Variants in OR14A16 observed in about 807,000 individuals in gnomAD.
OR14A16 encodes the protein olfactory receptor family 14 subfamily A member 16.
For synonymous variants in OR14A16, 135 were observed against 137.6 expected (o/e 0.98, Z 0.13); for missense variants, 341 against 366.5 (o/e 0.93, Z 0.57).
chr1:247,814,929 C>T lies in OR14A16; in HGVS notation c.801G>A (p.Leu267=), dbSNP rs1572537803. The T allele has an allele frequency of 2.5e-6, 4 of 1,613,642 alleles. No homozygotes were observed. The Middle Eastern group carries it at 5.0e-4, about 200-fold the overall frequency. The change falls in exon 3 of 3, where the codon TTG becomes TTA. Residue 267 remains leucine, a synonymous_variant. Coordinates refer to ENST00000641093, the MANE Select transcript of OR14A16 (RefSeq NM_001001966.2). ...TGTAGAACACAGAAATTACAGCATC[C>T]AAAATAGAAGGAGACTCTGAAGCTG... ...LKPASESPSI[L]DAVISVFYTM... is the part of the protein sequence containing the mutation.
intron 2 of OR14A16, among the ~76,000 whole-genome samples, chr1:247,818,272 T>C (rs1662664412): frequency 6.6e-6 from 1 of 152,116 alleles, no homozygotes; most frequent in Non-Finnish European, 1.5e-5. Context: ...GAAAAGGGAA[T>C]TGTACACTGT....
intron 2 of OR14A16, among the ~76,000 whole-genome samples, chr1:247,816,983 A>G (rs764020796): frequency 6.6e-6 from 1 of 152,142 alleles, no homozygotes; most frequent in African/African-American, 2.4e-5. Context: ...CCAAAAAAGT[A>G]TTGCAAATTA....
At chr1:247,821,563 G>T (rs1374805477) in intron 1 of OR14A16, among the ~76,000 whole-genome samples, 1 of 111,548 alleles carries the variant, frequency 9.0e-6, no homozygotes. Context: ...TCTTATGTAA[G>T]TATAGCTACC....
At chr1:247,818,802 G>A (rs61856525) in intron 2 of OR14A16, among the ~76,000 whole-genome samples, 22,142 of 152,006 alleles carry the variant, frequency 0.15, 1,875 homozygotes, top group Non-Finnish European at 0.19. Context: ...GATACACAAC[G>A]AGGTGACTAC....
chr1:247,822,993 T>C (rs1662768378), intron 1 of OR14A16, among the ~76,000 whole-genome samples: 1 of 152,236 alleles, frequency 6.6e-6, no homozygotes. Context: ...ATTAAGGGTT[T>C]CAAAATATAT....
chr1:247,816,686 A>G (rs1662628214), intron 2 of OR14A16, among the ~76,000 whole-genome samples: 1 of 152,220 alleles, frequency 6.6e-6, no homozygotes. Context: ...CCGAGATCAC[A>G]CTATTGAACT....
intron 1 of OR14A16, among the ~76,000 whole-genome samples, chr1:247,822,963 C>T (rs753896152): frequency 1.3e-5 from 2 of 152,180 alleles, no homozygotes; most frequent in Non-Finnish European, 2.9e-5. Flanking sequence ...AAGACTGTCA[C>T]TTGAATTTTG....
Position 247,815,478 on chromosome 1 carries a change from C to G in OR14A16, c.252G>C (p.Leu84Phe). 2 of 1,613,970 alleles carry G rather than the reference C, an allele frequency of 1.2e-6. No homozygotes were observed. Among genetic ancestry groups the G allele is most frequent in the Non-Finnish European group, 8.5e-7 (1 of 1,180,008 alleles). ...VTAPKSIANS[L>F]IHNNSISFLG... ...GGAATGAAATGGAGTTGTTGTGTAT[C>G]AAAGAATTGGCGATAGATTTGGGAG... Residue 84 changes from leucine to phenylalanine, a missense_variant, in exon 3 of 3, where the codon TTG becomes TTC. Leu to Phe is a conservative substitution (Grantham distance 22, BLOSUM62 0). Coordinates refer to ENST00000641093, the MANE Select transcript of OR14A16 (RefSeq NM_001001966.2).
chr1:247,817,392 AT>A (rs1558334985), intron 2 of OR14A16, among the ~76,000 whole-genome samples: 1 of 152,234 alleles, frequency 6.6e-6, no homozygotes, highest in African/African-American at 2.4e-5. Flanking sequence ...AGAAGTAAAA[AT>A]ATTTTGAGTG....
intron 1 of OR14A16, among the ~76,000 whole-genome samples, chr1:247,823,264 A>G (rs867671102): frequency 5.3e-5 from 8 of 152,340 alleles, no homozygotes; most frequent in South Asian, 2.1e-4. Flanking sequence ...CAAAGGTGGA[A>G]GGATCACTTG....
intron 2 of OR14A16, among the ~76,000 whole-genome samples, chr1:247,817,065 G>T (rs1424377667): frequency 6.6e-6 from 1 of 152,110 alleles, no homozygotes; most frequent in Non-Finnish European, 1.5e-5. Flanking sequence ...GGAAAACTGT[G>T]GTTATTCATT....
rs546525575 is a variant in OR14A16 at position 247,814,883 on chromosome 1, T to C, written c.847A>G (p.Asn283Asp). 49 of 1,613,802 alleles carry C rather than the reference T, an allele frequency of 3.0e-5. No homozygotes were observed. In the South Asian group the frequency reaches 4.7e-4, roughly 16 times the overall value. ...TTTCTCAAACTGTATATAATGGGATTAAAGGTTGGGGGCAGCATAGTGTAG... is the reference window on the plus strand; with the variant it reads ...TTTCTCAAACTGTATATAATGGGATCAAAGGTTGGGGGCAGCATAGTGTAG... The part of the protein sequence containing the change: ...VFYTMLPPTF[N>D]PIIYSLRNKA... Residue 283 changes from asparagine to aspartate, a missense_variant, in exon 3 of 3, where the codon AAT becomes GAT. Transcript: ENST00000641093.
Position 247,814,752 on chromosome 1 carries a change from G to A in OR14A16, c.*48C>T, listed in dbSNP as rs757526361. 1 of 985,220 alleles carries A rather than the reference G, an allele frequency of 1.0e-6. No homozygotes were observed. 61.0% of individuals were successfully genotyped at this position (985,220 alleles called of 1,614,324 possible). A position where few individuals can be genotyped will look rare whatever the true frequency, so the allele number is the denominator to read the frequency against. On this transcript the variant is annotated 3_prime_UTR_variant, in exon 3 of 3. Transcript: ENST00000641093. ...AGATAAAAATGAAGAATTAATGTGT[G>A]TACATTATAAATGGTATCTATTATT...
At chr1:247,822,951 G>A (rs909673270) in intron 1 of OR14A16, among the ~76,000 whole-genome samples, 1 of 152,196 alleles carries the variant, frequency 6.6e-6, no homozygotes, top group African/African-American at 2.4e-5. Context: ...CCAGCTGAAT[G>A]TAAGACTGTC....
chr1:247,817,294 G>A (rs1164563288), intron 2 of OR14A16, among the ~76,000 whole-genome samples: 1 of 152,118 alleles, frequency 6.6e-6, no homozygotes, highest in Non-Finnish European at 1.5e-5. Flanking sequence ...GGAGAGAAGT[G>A]ATATAAACTA....
At position 247,815,272 on chromosome 1, in the gene OR14A16, A is replaced by G. The variant is rs754698306; in HGVS notation, c.458T>C (p.Ile153Thr). Residue 153 changes from isoleucine to threonine, a missense_variant, in exon 3 of 3, where the codon ATT (isoleucine) becomes ACT (threonine). Physicochemically the swap from Ile to Thr is moderately conservative, Grantham distance 89. Coordinates refer to ENST00000641093, the MANE Select transcript of OR14A16 (RefSeq NM_001001966.2). ...GGTGCCAGCTGTGTGCATCACAGCA[A>G]TCAGACCCCCATACAGCCAAGACAC... ...ATVSWLYGGL[I>T]AVMHTAGTFS... is the part of the protein sequence containing the mutation. The G allele has an allele frequency of 1.2e-6, 2 of 1,613,932 alleles. No individual in the cohort carries two copies. Among genetic ancestry groups the G allele is most frequent in the South Asian group, 1.1e-5 (1 of 91,072 alleles).
In OR14A16 at chr1:247,814,969, A is replaced by G. The variant is rs201060319; in HGVS notation, c.761T>C (p.Ile254Thr). ...LVVLFLSTGF[I>T]AYLKPASESP... ...CTCTGAAGCTGGCTTCAGATAAGCA[A>G]TGAATCCAGTGGAAAGAAATAACAC... The change falls in exon 3 of 3, where the codon ATT becomes ACT. Residue 254 changes from isoleucine (I) to threonine (T), a missense_variant. By Grantham distance (89) the Ile-to-Thr change is moderately conservative. Transcript: ENST00000641093. The G allele has an allele frequency of 1.4e-4, 224 of 1,613,940 alleles. No homozygotes were observed. Among genetic ancestry groups the G allele is most frequent in the Non-Finnish European group, 8.1e-5 (95 of 1,179,996 alleles).
intron 1 of OR14A16, among the ~76,000 whole-genome samples, chr1:247,822,262 G>A (rs1288070977): frequency 2.0e-5 from 3 of 146,872 alleles, no homozygotes; most frequent in African/African-American, 7.5e-5. Flanking sequence ...TGTACTGAGA[G>A]AGGAAGGCCT....
chr1:247,816,465 G>A (rs944621856), intron 2 of OR14A16, among the ~76,000 whole-genome samples: 7 of 152,156 alleles, frequency 4.6e-5, no homozygotes, highest in Non-Finnish European at 1.0e-4. Flanking sequence ...GGTGGCTCAC[G>A]CCTGTAATCC....
Sources: gnomAD v4.1 joint callset for allele counts (sites outside exome capture counted in the v4.1 genomes callset) on GRCh38, gnomAD v4.1.1 for gene constraint, MANE v1.5 for transcripts, NCBI Gene and HGNC (gene_info 2026-07-23, HGNC 2026-07-21) for gene names.